Variants in MID1 observed in about 807,000 individuals in gnomAD.
MID1 encodes E3 ubiquitin-protein ligase Midline-1.
A neutral mutation model predicts 40.4 loss-of-function variants in MID1; 7 were observed. That is an observed-to-expected ratio of 0.17 (90% confidence interval 0.10 to 0.33). The LOEUF (loss-of-function observed/expected upper bound fraction) is 0.33, where lower values mean the gene tolerates loss of function less well. MID1 is among the 10% of genes least tolerant of loss of function. The pLI is 1.00. For synonymous variants in MID1, 229 were observed against 221.2 expected (o/e 1.04, Z -0.31); for missense variants, 367 against 558.5 (o/e 0.66, Z 3.46).
At chrX:10,699,391 C>A (rs1245181732) in intron 1 of MID1, among the ~76,000 whole-genome samples, 1 of 112,216 alleles carries the variant, frequency 8.9e-6, no homozygotes, top group Non-Finnish European at 1.9e-5. Flanking sequence ...TTTTAACCAT[C>A]ATTAAATAAC....
At position 10,573,334 on chromosome X, in the gene MID1, G is replaced by T. The variant is rs147136638; in HGVS notation, c.-56-5731C>A. Among the ~76,000 whole-genome samples, 34 of 112,021 alleles carry T rather than the reference G, an allele frequency of 3.0e-4. No individual in the cohort carries two copies. The East Asian group carries it at 9.6e-3, about 32-fold the overall frequency. On this transcript the variant is annotated intron_variant, in intron 1 of 9. Coordinates refer to ENST00000317552, the MANE Select transcript of MID1 (RefSeq NM_000381.4). ...GTTTATTTAGCTCGTGGCTCCACAG[G>T]CTGGGAAGTACAAGAAGCATGGTAC...
intron 1 of MID1, among the ~76,000 whole-genome samples, chrX:10,723,433 CA>C (rs922095331): frequency 8.9e-6 from 1 of 112,898 alleles, no homozygotes; most frequent in African/African-American, 3.2e-5. Flanking sequence ...GAATTTGTCA[CA>C]AAAAGTACAC....
intron 1 of MID1, among the ~76,000 whole-genome samples, chrX:10,568,257 A>C (rs779421156): frequency 1.1e-4 from 12 of 112,024 alleles, no homozygotes; most frequent in African/African-American, 3.9e-4. Context: ...TAGAGGCAAT[A>C]TTTTTGGCAT....
intron 1 of MID1, among the ~76,000 whole-genome samples, chrX:10,749,389 G>A (rs919124026): frequency 1.8e-5 from 2 of 111,771 alleles, no homozygotes; most frequent in African/African-American, 6.5e-5. Flanking sequence ...ACCCTGCTGA[G>A]TCAGAGCATG....
chrX:10,529,034 G>A (rs1932892077), intron 2 of MID1, among the ~76,000 whole-genome samples: 1 of 111,463 alleles, frequency 9.0e-6, no homozygotes, highest in Non-Finnish European at 1.9e-5. Flanking sequence ...TTCCTCATGG[G>A]GCTGTCAAGA....
At chrX:10,583,677 T>C (rs1935069392) in intron 1 of MID1, among the ~76,000 whole-genome samples, 1 of 112,220 alleles carries the variant, frequency 8.9e-6, no homozygotes, top group African/African-American at 3.2e-5. Flanking sequence ...GCAGGAACCA[T>C]GATGTTTTAG....
intron 2 of MID1, among the ~76,000 whole-genome samples, chrX:10,540,925 A>T (rs747402179): frequency 2.9e-3 from 326 of 112,267 alleles, no homozygotes; most frequent in Non-Finnish European, 4.8e-3. Context: ...AGAGTTTGAG[A>T]AAACAATTTG....
chrX:10,671,374 A>G (rs762369547), intron 1 of MID1, among the ~76,000 whole-genome samples: 9 of 112,225 alleles, frequency 8.0e-5, no homozygotes, highest in Non-Finnish European at 1.3e-4. Context: ...CAGTTTCTTC[A>G]TCAGAAAACT....
At chrX:10,510,830 CAAAAA>C (rs1185825614) in intron 3 of MID1, among the ~76,000 whole-genome samples, 2 of 23,952 alleles carry the variant, frequency 8.4e-5, no homozygotes, top group Non-Finnish European at 1.5e-4. Flanking sequence ...GACTCTGTCT[CAAAAA>C]AAAAAAAAAA....
chrX:10,602,124 C>CCTAA (rs201606049), intron 1 of MID1, among the ~76,000 whole-genome samples: 4,466 of 107,859 alleles, frequency 0.041, 95 homozygotes, highest in African/African-American at 0.074. Flanking sequence ...GTCTCGATCT[C>CCTAA]CTAACCTCGT....
intron 1 of MID1, among the ~76,000 whole-genome samples, chrX:10,706,502 C>T (rs1026305656): frequency 2.7e-5 from 3 of 110,400 alleles, no homozygotes; most frequent in African/African-American, 9.9e-5. Context: ...TGAATTCTCA[C>T]GAGATCTGAT....
At chrX:10,734,203 A>G (rs1317074279) in intron 1 of MID1, among the ~76,000 whole-genome samples, 2 of 112,433 alleles carry the variant, frequency 1.8e-5, no homozygotes, top group Non-Finnish European at 3.8e-5. Flanking sequence ...AATACTATGC[A>G]GGTATAAAAA....
At chrX:10,648,106 A>C (rs1297145374) in intron 1 of MID1, among the ~76,000 whole-genome samples, 1 of 112,142 alleles carries the variant, frequency 8.9e-6, no homozygotes, top group Non-Finnish European at 1.9e-5. Flanking sequence ...GAACACCAAC[A>C]GTAAGAAAGA....
At chrX:10,817,393 T>G (rs932215272) in intron 1 of MID1, among the ~76,000 whole-genome samples, 1 of 111,326 alleles carries the variant, frequency 9.0e-6, no homozygotes, top group African/African-American at 3.3e-5. Flanking sequence ...AAAGCAAAAT[T>G]AGATATGTTT....
At chrX:10,557,166 ATC>A (rs1186742386) in intron 2 of MID1, among the ~76,000 whole-genome samples, 1 of 111,359 alleles carries the variant, frequency 9.0e-6, no homozygotes, top group African/African-American at 3.3e-5. Flanking sequence ...AGATGGCCAA[ATC>A]TACACTGGCT....
chrX:10,651,336 C>A (rs7051591), intron 1 of MID1, among the ~76,000 whole-genome samples: 15,788 of 111,397 alleles, frequency 0.14, 1,774 homozygotes, highest in African/African-American at 0.38. Flanking sequence ...AATATATAGA[C>A]TATCAGGGTA....
chrX:10,505,541 G>A (rs1372413111), intron 3 of MID1: 1 of 751,558 alleles, frequency 1.3e-6, no homozygotes, highest in African/African-American at 2.3e-5. Context: ...AACCTGCCAT[G>A]GGTGTTTGTC....
intron 1 of MID1, among the ~76,000 whole-genome samples, chrX:10,580,123 C>G (rs1475842946): frequency 9.1e-6 from 1 of 110,004 alleles, no homozygotes; most frequent in Non-Finnish European, 1.9e-5. Flanking sequence ...TACACACACA[C>G]ACACACACAC....
intron 1 of MID1, among the ~76,000 whole-genome samples, chrX:10,729,912 G>A (rs2043429580): frequency 9.1e-6 from 1 of 109,343 alleles, no homozygotes; most frequent in South Asian, 4.0e-4. Context: ...GTGAAACCCC[G>A]TCTCTACTAA....
Sources: gnomAD v4.1 joint callset for allele counts (sites outside exome capture counted in the v4.1 genomes callset) on GRCh38, gnomAD v4.1.1 for gene constraint, MANE v1.5 for transcripts, NCBI Gene and HGNC (gene_info 2026-07-23, HGNC 2026-07-21) for gene names.